Variants in EPHA3 observed in about 807,000 individuals in gnomAD.
The protein encoded by EPHA3 is EPH receptor A3.
Under a neutral mutation model 107.1 loss-of-function variants are expected in EPHA3, and 42 were observed. That is an observed-to-expected ratio of 0.39 (90% CI 0.31 to 0.51). The LOEUF is 0.51. Among genes scored for constraint, EPHA3 ranks in the 20% least tolerant of loss-of-function variants. EPHA3 has a pLI of 0.78. For missense variants in EPHA3, 1,183 were observed against 1,211.2 expected (o/e 0.98, Z 0.35); for synonymous variants, 461 against 424.8 (o/e 1.09, Z -1.05).
chr3:89,234,894 C>T lies in EPHA3; in HGVS notation c.814+24374C>T, dbSNP rs537989288. Among the ~76,000 whole-genome samples the T allele has an allele frequency of 2.1e-5, 3 of 145,556 alleles. No individual in the cohort carries two copies. The East Asian group carries it at 6.3e-4, about 30-fold the overall frequency. On this transcript the variant is annotated intron_variant, in intron 3 of 16. Coordinates refer to ENST00000336596, the MANE Select transcript of EPHA3 (RefSeq NM_005233.6). ...CTCTTCCTTCCTGCCTTCCTCCCTT[C>T]TTTCCTTCTCTTCCTTCCTGCCTTC...
intron 2 of EPHA3, among the ~76,000 whole-genome samples, chr3:89,202,350 A>G (rs1412615863): frequency 6.6e-6 from 1 of 151,250 alleles, no homozygotes; most frequent in Non-Finnish European, 1.5e-5. Context: ...AAAAATAAAT[A>G]AATAAATAAA....
At chr3:89,247,887 G>A (rs1705072914) in intron 3 of EPHA3, among the ~76,000 whole-genome samples, 1 of 152,106 alleles carries the variant, frequency 6.6e-6, no homozygotes, top group African/African-American at 2.4e-5. Flanking sequence ...AAAAAGTAGA[G>A]ACAGTGCTGA....
intron 2 of EPHA3, among the ~76,000 whole-genome samples, chr3:89,179,909 G>A (rs1576208661): frequency 6.7e-6 from 1 of 149,898 alleles, no homozygotes; most frequent in Admixed American, 6.6e-5. Flanking sequence ...TGAAATCAGT[G>A]TCTCACTGAG....
intron 2 of EPHA3, among the ~76,000 whole-genome samples, chr3:89,145,637 C>G (rs1045706106): frequency 2.6e-5 from 4 of 151,778 alleles, no homozygotes; most frequent in Admixed American, 6.6e-5. Flanking sequence ...TCTGCTTTTT[C>G]TATATTGTCT....
rs140416193 is a variant in EPHA3, at chr3:89,454,662, G to A, written c.2690+4292G>A. ...TGTTTATAATCAATATTGAATTCACGTTACACTTATAAAAAAATCTCCTTT... is the reference window on the plus strand; with the variant it reads ...TGTTTATAATCAATATTGAATTCACATTACACTTATAAAAAAATCTCCTTT... On this transcript the variant is annotated intron_variant, in intron 15 of 16. Coordinates refer to ENST00000336596, the MANE Select transcript of EPHA3 (RefSeq NM_005233.6). Among the ~76,000 whole-genome samples the A allele has an allele frequency of 2.1e-3, 320 of 152,118 alleles. 1 individual carries two copies. The highest frequency in any genetic ancestry group is 1.6e-3 in the Non-Finnish European group (111 of 68,000).
At position 89,247,259 on chromosome 3, in the gene EPHA3, G is replaced by A. The variant is rs190663282; in HGVS notation, c.814+36739G>A. On this transcript the variant is annotated intron_variant, in intron 3 of 16. Coordinates refer to ENST00000336596, the MANE Select transcript of EPHA3 (RefSeq NM_005233.6). ...GGGAAAGATCCAGCTCAAGTTGAGG[G>A]GATGGGGAATAATTCTAAAAAGCAG... 3.3e-5 allele frequency among the ~76,000 whole-genome samples: 5 copies of A among 152,190 alleles called. No homozygotes were observed. The East Asian group carries it at 9.7e-4, about 29-fold the overall frequency.
At chr3:89,225,054 T>TG (rs1704471437) in intron 3 of EPHA3, among the ~76,000 whole-genome samples, 1 of 152,112 alleles carries the variant, frequency 6.6e-6, no homozygotes, top group Admixed American at 6.6e-5. Flanking sequence ...TGTAAAAATG[T>TG]GAAAGTTATT....
intron 2 of EPHA3, among the ~76,000 whole-genome samples, chr3:89,168,252 G>A (rs1465238166): frequency 6.6e-6 from 1 of 152,136 alleles, no homozygotes; most frequent in Admixed American, 6.5e-5. Context: ...GTGTACTAGT[G>A]CATTGACAAT....
chr3:89,180,972 A>G (rs1705431152), intron 2 of EPHA3, among the ~76,000 whole-genome samples: 1 of 151,980 alleles, frequency 6.6e-6, no homozygotes, highest in Admixed American at 6.6e-5. Flanking sequence ...CAAGTGACTG[A>G]TAAACCCCTT....
chr3:89,400,149 G>T, intron 7 of EPHA3: 13 of 590,736 alleles, frequency 2.2e-5, no homozygotes, highest in Non-Finnish European at 2.4e-5. Flanking sequence ...TATAAAATGA[G>T]TAGAAGTTAA....
rs77773636 is a variant in EPHA3 at position 89,310,143 on chromosome 3, G to T, written c.815-30773G>T. Among the ~76,000 whole-genome samples, 40 of 152,110 alleles carry T rather than the reference G, an allele frequency of 2.6e-4. No individual in the cohort carries two copies. The Middle Eastern group carries it at 0.027, about 103-fold the overall frequency. On this transcript the variant is annotated intron_variant, in intron 3 of 16. Coordinates refer to ENST00000336596, the MANE Select transcript of EPHA3 (RefSeq NM_005233.6). ...CTCTCAGCAGAGTTTTTAATGAGCT[G>T]GTACCTGTATAGCCCTTTGAGCAGT...
intron 9 of EPHA3, among the ~76,000 whole-genome samples, chr3:89,408,542 C>T (rs1458516758): frequency 6.6e-6 from 1 of 151,940 alleles, no homozygotes. Flanking sequence ...TTTGAAGTGC[C>T]TTATCCCATT....
chr3:89,340,107 G>T (rs1343779256), intron 3 of EPHA3, among the ~76,000 whole-genome samples: 1 of 152,166 alleles, frequency 6.6e-6, no homozygotes, highest in Non-Finnish European at 1.5e-5. Flanking sequence ...CTGTAAAACA[G>T]TACATAGATG....
chr3:89,340,880 T>C (rs1167768843), intron 3 of EPHA3, 36 bp from the exon 4 acceptor site: 1 of 1,532,238 alleles, frequency 6.5e-7, no homozygotes, highest in East Asian at 2.4e-5. Flanking sequence ...AAAAAAATTA[T>C]CACAGACTTT....
intron 3 of EPHA3, among the ~76,000 whole-genome samples, chr3:89,220,407 T>A (rs1279453877): frequency 6.6e-6 from 1 of 151,950 alleles, no homozygotes; most frequent in East Asian, 1.9e-4. Flanking sequence ...CTAAGATGGA[T>A]TTTTTTCTGG....
chr3:89,423,646 A>C (rs911049839), intron 11 of EPHA3, among the ~76,000 whole-genome samples: 1 of 151,458 alleles, frequency 6.6e-6, no homozygotes, highest in Non-Finnish European at 1.5e-5. Flanking sequence ...CCACATCAAC[A>C]AAATTAAAAA....
In EPHA3 at chr3:89,424,526, C is replaced by CT. The variant is rs951227112; in HGVS notation, c.2075-4571dup. ...CAATATTGTACAGGAAATCTTAAAC[C>CT]TTTTTTTTTGACTTTTACAAATAAA... On this transcript the variant is annotated intron_variant, in intron 11 of 16. Transcript: ENST00000336596. Among the ~76,000 whole-genome samples, 884 of 149,388 alleles carry CT rather than the reference C, an allele frequency of 5.9e-3. 10 individuals are homozygous for CT. Among genetic ancestry groups the CT allele is most frequent in the African/African-American group, 0.019 (780 of 40,896 alleles).
chr3:89,364,800 A>G (rs1307415901), intron 5 of EPHA3, among the ~76,000 whole-genome samples: 2 of 151,028 alleles, frequency 1.3e-5, no homozygotes, highest in Non-Finnish European at 1.5e-5. Context: ...TAATACAGAG[A>G]TTGTACTTAA....
intron 3 of EPHA3, among the ~76,000 whole-genome samples, chr3:89,268,696 A>G (rs1705593188): frequency 6.6e-6 from 1 of 152,014 alleles, no homozygotes; most frequent in African/African-American, 2.4e-5. Flanking sequence ...TTTTAGGAAA[A>G]AGAAATCTTG....
Sources: gnomAD v4.1 joint callset for allele counts (sites outside exome capture counted in the v4.1 genomes callset) on GRCh38, gnomAD v4.1.1 for gene constraint, MANE v1.5 for transcripts, NCBI Gene and HGNC (gene_info 2026-07-23, HGNC 2026-07-21) for gene names.